Variants in MCPH1 observed in about 807,000 individuals in gnomAD.
The protein encoded by MCPH1 is microcephalin 1.
A neutral mutation model predicts 84.5 loss-of-function variants in MCPH1; 104 were observed. The ratio of observed to expected loss-of-function variants is 1.23; its 90% CI spans 1.05 to 1.45. MCPH1 has a LOEUF of 1.45. Among genes scored for constraint, MCPH1 ranks in the 40% most tolerant of loss-of-function variants. The pLI is 0.00. For synonymous variants in MCPH1, 514 were observed against 366.8 expected, an observed-to-expected ratio of 1.40 and a Z score of -4.58; for missense variants, 1,498 against 1,005.7, an observed-to-expected ratio of 1.49 and a Z score of -6.62.
intron 12 of MCPH1, among the ~76,000 whole-genome samples, chr8:6,555,792 A>C (rs1285507927): frequency 1.7e-4 from 26 of 152,196 alleles, no homozygotes. Context: ...CTTCTGAACG[A>C]TTAAATAGTT....
intron 13 of MCPH1, among the ~76,000 whole-genome samples, chr8:6,633,171 CTCT>C (rs1052425355): frequency 2.0e-5 from 3 of 151,964 alleles, no homozygotes; most frequent in Non-Finnish European, 4.4e-5. Flanking sequence ...AATGCTATTA[CTCT>C]TCAACAGTGT....
chr8:6,528,613 C>T (rs886605085), intron 12 of MCPH1, among the ~76,000 whole-genome samples: 1 of 152,240 alleles, frequency 6.6e-6, no homozygotes, highest in Admixed American at 6.5e-5. Context: ...TGAGCTACTG[C>T]GTGGCATGAG....
chr8:6,630,316 C>T (rs1274476891), intron 13 of MCPH1, among the ~76,000 whole-genome samples: 1 of 152,156 alleles, frequency 6.6e-6, no homozygotes, highest in Non-Finnish European at 1.5e-5. Flanking sequence ...GGAGCTGTCA[C>T]TGCAGTTATC....
At chr8:6,625,412 C>A (rs2959797) in intron 13 of MCPH1, 81,896 of 985,220 alleles carry the variant, frequency 0.083, 4,265 homozygotes, top group East Asian at 0.34. Flanking sequence ...TCCTCCCGTT[C>A]ATTTCCATTA....
At chr8:6,601,161 G>C (rs187695575) in intron 12 of MCPH1, among the ~76,000 whole-genome samples, 5 of 152,264 alleles carry the variant, frequency 3.3e-5, no homozygotes, top group Admixed American at 2.6e-4. Context: ...CCTCCCAGCT[G>C]TGCCCACCTG....
At chr8:6,413,013 C>T (rs1311197374) in intron 2 of MCPH1, among the ~76,000 whole-genome samples, 2 of 152,168 alleles carry the variant, frequency 1.3e-5, no homozygotes, top group East Asian at 3.8e-4. Flanking sequence ...TATTTCCAAG[C>T]ATTGTACATA....
intron 12 of MCPH1, among the ~76,000 whole-genome samples, chr8:6,545,054 C>T (rs1315707293): frequency 6.6e-6 from 1 of 152,078 alleles, no homozygotes; most frequent in Non-Finnish European, 1.5e-5. Flanking sequence ...CCATCACAGA[C>T]ATCATGTTGG....
chr8:6,477,338 TG>T, intron 9 of MCPH1: 1 of 456,314 alleles, frequency 2.2e-6, no homozygotes, highest in Non-Finnish European at 3.9e-6. Context: ...AACAGATTCC[TG>T]GGGGAAATTT....
intron 11 of MCPH1, among the ~76,000 whole-genome samples, chr8:6,488,486 A>G (rs987852044): frequency 6.6e-5 from 10 of 152,198 alleles, no homozygotes; most frequent in African/African-American, 1.9e-4. Flanking sequence ...CTGAGATGCA[A>G]CCACAGGCTT....
chr8:6,521,059 T>G (rs1195620110), intron 12 of MCPH1: 15 of 689,052 alleles, frequency 2.2e-5, no homozygotes, highest in Non-Finnish European at 3.6e-5. Context: ...TGGTAGATAT[T>G]TCATATGAAA....
intron 12 of MCPH1, among the ~76,000 whole-genome samples, chr8:6,539,429 G>C (rs1163125357): frequency 6.6e-6 from 1 of 152,156 alleles, no homozygotes; most frequent in Non-Finnish European, 1.5e-5. Flanking sequence ...CTGGCCTCTG[G>C]TGCCAATTTC....
chr8:6,447,533 T>C (rs75909952), intron 8 of MCPH1: 16,983 of 652,694 alleles, frequency 0.026, 1,079 homozygotes, highest in African/African-American at 0.2. Flanking sequence ...AGAAACAATT[T>C]TGGTTTTGTT....
chr8:6,499,444 A>G (rs1484243661), intron 11 of MCPH1, among the ~76,000 whole-genome samples: 1 of 152,216 alleles, frequency 6.6e-6, no homozygotes, highest in Non-Finnish European at 1.5e-5. Context: ...TTTTGAATTT[A>G]GGCTTGTGAT....
Position 6,606,556 on chromosome 8 carries a change from G to C in MCPH1, c.2215-14898G>C, listed in dbSNP as rs570049518. On this transcript the variant is annotated intron_variant, in intron 12 of 13. Transcript: ENST00000344683. ...GCCTGTCGACCAGGGAGTGTCAGGA[G>C]GATGTGCTGCTTCCTGCCCCCTCCC... Among the ~76,000 whole-genome samples the C allele has an allele frequency of 2.6e-5, 4 of 152,336 alleles. No homozygotes were observed. In the South Asian group the frequency reaches 8.3e-4, roughly 32 times the overall value.
intron 1 of MCPH1, among the ~76,000 whole-genome samples, chr8:6,407,906 T>A (rs1284853214): frequency 6.6e-6 from 1 of 152,192 alleles, no homozygotes; most frequent in Non-Finnish European, 1.5e-5. Context: ...AATGAAAAAT[T>A]ATATCACATT....
intron 12 of MCPH1, among the ~76,000 whole-genome samples, chr8:6,620,796 C>T (rs1197921667): frequency 6.6e-6 from 1 of 152,104 alleles, no homozygotes; most frequent in Non-Finnish European, 1.5e-5. Flanking sequence ...CCACACATTG[C>T]CAGAATGAGA....
At chr8:6,435,692 C>G (rs1382938886) in intron 4 of MCPH1, among the ~76,000 whole-genome samples, 6 of 152,150 alleles carry the variant, frequency 3.9e-5, no homozygotes, top group Non-Finnish European at 1.5e-5. Context: ...TTAAACAGTT[C>G]ACCATTTTGA....
At chr8:6,425,489 CACTT>C (rs888431931) in intron 3 of MCPH1, among the ~76,000 whole-genome samples, 2 of 152,088 alleles carry the variant, frequency 1.3e-5, no homozygotes, top group Non-Finnish European at 2.9e-5. Context: ...CAGTAAGTGC[CACTT>C]ACTTCTTCAT....
intron 12 of MCPH1, among the ~76,000 whole-genome samples, chr8:6,599,044 A>G (rs1267874030): frequency 2.0e-5 from 3 of 152,202 alleles, no homozygotes; most frequent in African/African-American, 7.2e-5. Flanking sequence ...CCTAGCGCGA[A>G]TACGGGGCTC....
Sources: allele counts gnomAD v4.1 joint callset (sites outside exome capture counted in the v4.1 genomes callset), GRCh38; gene constraint gnomAD v4.1.1; transcripts MANE v1.5; gene names NCBI Gene and HGNC (gene_info 2026-07-23, HGNC 2026-07-21).